Variants in GRAMD4 observed in about 807,000 individuals in gnomAD.
GRAMD4 encodes the protein GRAM domain-containing protein 4.
GRAMD4 carries 25 observed loss-of-function variants against 83.9 expected under a neutral mutation model. That is an observed-to-expected ratio of 0.30 (90% confidence interval 0.22 to 0.42). GRAMD4 has a LOEUF of 0.42. Ranked by LOEUF, GRAMD4 falls within the 10% of genes least tolerant of loss-of-function variation. GRAMD4 has a pLI of 1.00. For synonymous variants in GRAMD4, 336 were observed against 320.9 expected, an observed-to-expected ratio of 1.05 and a Z score of -0.50; for missense variants, 593 against 788.7, an observed-to-expected ratio of 0.75 and a Z score of 2.97.
chr22:46,624,239 G>A lies in GRAMD4; in HGVS notation c.-49-2512G>A, dbSNP rs186384473. Among the ~76,000 whole-genome samples, 625 of 133,778 alleles carry A rather than the reference G, an allele frequency of 4.7e-3. 3 individuals carry two copies. The highest frequency in any genetic ancestry group is 0.017 in the African/African-American group (591 of 35,344). 87.8% of individuals were successfully genotyped at this position (133,778 alleles called of 152,430 possible). A position where few individuals can be genotyped will look rare whatever the true frequency, so the allele number is the denominator to read the frequency against. On this transcript the variant is annotated intron_variant, in intron 1 of 18. Coordinates refer to ENST00000406902, the MANE Select transcript of GRAMD4 (RefSeq NM_015124.5). ...GTGGCCTGTTAGACATTTTTACTTA[G>A]TGGCTTTTTTTTTTTCAGTCCCTTA...
chr22:46,665,656 G>A lies in GRAMD4; in HGVS notation c.759G>A (p.Leu253=), dbSNP rs754266679. Residue 253 remains leucine (L), a synonymous_variant, in exon 9 of 19, where the codon TTG becomes TTA. Transcript: ENST00000406902. The part of the protein sequence containing the change: ...NAVWHGWAIP[L]FLFLAILRLS... ...TGTGGCATGGCTGGGCCATCCCATTGTTCTTATTTCTAGCAATTCTGAGGT... is the reference window on the plus strand; with the variant it reads ...TGTGGCATGGCTGGGCCATCCCATTATTCTTATTTCTAGCAATTCTGAGGT... The A allele has an allele frequency of 6.1e-5, 98 of 1,608,210 alleles. No individual in the cohort carries two copies. The highest frequency in any genetic ancestry group is 8.3e-5 in the Non-Finnish European group (97 of 1,175,278).
At position 46,676,662 on chromosome 22, in the gene GRAMD4, C is replaced by A. The variant is rs1489194483; in HGVS notation, c.1626C>A (p.Thr542=). 1.9e-6 allele frequency: 3 copies of A among 1,548,468 alleles called. No individual in the cohort carries two copies. The highest frequency in any genetic ancestry group is 2.6e-6 in the Non-Finnish European group (3 of 1,146,924). ...GMGIAVSTPS[T]QKPLVFGAMV... is the part of the protein sequence containing the mutation. ...GGATTGCCGTGTCGACGCCATCCAC[C>A]CAGAAAGTAGGTGCCGGGCGGGGGG... The change falls in exon 18 of 19, where the codon ACC becomes ACA. Residue 542 remains threonine, a synonymous_variant. Transcript: ENST00000406902.
At chr22:46,605,808 A>G (rs926504247) in intron 1 of GRAMD4, among the ~76,000 whole-genome samples, 3 of 141,708 alleles carry the variant, frequency 2.1e-5, no homozygotes, top group Admixed American at 1.4e-4. Flanking sequence ...GGTGCTGAGC[A>G]TCTCTGCATG....
chr22:46,597,633 G>A (rs369683032), intron 1 of GRAMD4, among the ~76,000 whole-genome samples: 7 of 152,202 alleles, frequency 4.6e-5, no homozygotes, highest in East Asian at 3.9e-4. Context: ...GGGACCACAG[G>A]CACCCGCCAC....
chr22:46,673,783 C>T lies in GRAMD4; in HGVS notation c.1353C>T (p.Phe451=). 6.2e-7 allele frequency: 1 copy of T among 1,613,142 alleles called. No individual in the cohort carries two copies. Among genetic ancestry groups the T allele is most frequent in the Non-Finnish European group, 8.5e-7 (1 of 1,179,986 alleles). Residue 451 remains phenylalanine (F), a synonymous_variant, in exon 15 of 19, where the codon TTC becomes TTT. Transcript: ENST00000406902. ...AGAAGGGCAATTTCCACGAGATCTTCAATCTGACAGAAAACGAGCGTCCGC... is the reference window on the plus strand; with the variant it reads ...AGAAGGGCAATTTCCACGAGATCTTTAATCTGACAGAAAACGAGCGTCCGC... ...STKKGNFHEI[F]NLTENERPLA... is the part of the protein sequence containing the mutation.
intron 1 of GRAMD4, among the ~76,000 whole-genome samples, chr22:46,624,124 TCATATTTGTTA>T (rs1255748472): frequency 6.6e-6 from 1 of 152,066 alleles, no homozygotes; most frequent in Non-Finnish European, 1.5e-5. Flanking sequence ...CCTTCATGTA[TCATATTTGTTA>T]CCTGTATTCC....
chr22:46,637,796 G>A lies in GRAMD4; in HGVS notation c.163-44G>A, dbSNP rs150616927. 465 of 1,609,774 alleles carry A rather than the reference G, an allele frequency of 2.9e-4. 1 individual carries two copies. In the African/African-American group the frequency reaches 5.5e-3, roughly 19 times the overall value. ...GGGAACTGAGTGGTGCAGACCCAGG[G>A]TGCCACAGGTGGCCCCTTTGAGCTT... On this transcript the variant is annotated intron_variant, in intron 2 of 18. Transcript: ENST00000406902.
chr22:46,609,321 C>T (rs896598441), intron 1 of GRAMD4, among the ~76,000 whole-genome samples: 18 of 152,190 alleles, frequency 1.2e-4, no homozygotes, highest in Non-Finnish European at 4.4e-5. Context: ...GAAGGTGTTC[C>T]GCAGCCTGCT....
At chr22:46,668,344 C>A (rs1402938270) in intron 11 of GRAMD4, among the ~76,000 whole-genome samples, 177 bp downstream of exon 11, 1 of 152,192 alleles carries the variant, frequency 6.6e-6, no homozygotes, top group Middle Eastern at 3.2e-3. Context: ...AGTCACCCTG[C>A]CCTTGGATGG....
At chr22:46,668,940 A>T (rs2076711) in intron 13 of GRAMD4, 32 bp downstream of exon 13, 4 of 1,253,934 alleles carry the variant, frequency 3.2e-6, no homozygotes, top group Non-Finnish European at 3.5e-6. Flanking sequence ...CTGTAGCTTC[A>T]GGAGGAGGGA....
chr22:46,654,094 G>A (rs1601642595), intron 3 of GRAMD4, among the ~76,000 whole-genome samples: 1 of 145,026 alleles, frequency 6.9e-6, no homozygotes, highest in Non-Finnish European at 1.5e-5. Context: ...CCTTGATTAA[G>A]CCCCTTCTGT....
At chr22:46,588,933 A>T (rs770754326) in intron 1 of GRAMD4, among the ~76,000 whole-genome samples, 21 of 152,162 alleles carry the variant, frequency 1.4e-4, no homozygotes, top group Non-Finnish European at 2.8e-4. Flanking sequence ...TCCCACAGTA[A>T]GGTTGGTGAC....
intron 1 of GRAMD4, among the ~76,000 whole-genome samples, chr22:46,605,613 T>C (rs1231707170): frequency 1.3e-5 from 2 of 152,258 alleles, no homozygotes; most frequent in Non-Finnish European, 2.9e-5. Flanking sequence ...CCAACACTTG[T>C]TGTTTTCTGA....
chr22:46,678,912 G>T lies in GRAMD4; in HGVS notation c.*1661G>T, dbSNP rs1404536922. 2.0e-6 allele frequency: 2 copies of T among 985,782 alleles called. No individual in the cohort carries two copies. Among genetic ancestry groups the T allele is most frequent in the African/African-American group, 3.5e-5 (2 of 57,250 alleles). 61.1% of individuals were successfully genotyped at this position (985,782 alleles called of 1,614,324 possible). On this transcript the variant is annotated 3_prime_UTR_variant, in exon 19 of 19. Transcript: ENST00000406902. ...AGCGGAGCCCCCGTGGCTCTGGACT[G>T]CGCGGACGTTGGCGTCAGGATGACC...
Position 46,603,461 on chromosome 22 carries a change from C to T in GRAMD4, c.-49-23290C>T, listed in dbSNP as rs187505518. ...CCTGACCTCGTGATCCGCCCGCCTCCGCCTCCCAAAGTGCTGGGATTACAG... is the reference window on the plus strand; with the variant it reads ...CCTGACCTCGTGATCCGCCCGCCTCTGCCTCCCAAAGTGCTGGGATTACAG... On this transcript the variant is annotated intron_variant, in intron 1 of 1. Coordinates refer to the GRAMD4 transcript ENST00000431155. Among the ~76,000 whole-genome samples, 685 of 146,264 alleles carry T rather than the reference C, an allele frequency of 4.7e-3. 14 individuals are homozygous for T. The East Asian group carries it at 0.066, about 14-fold the overall frequency.
At chr22:46,675,661 C>A in intron 17 of GRAMD4, 109 bp downstream of exon 17, 1 of 769,326 alleles carries the variant, frequency 1.3e-6, no homozygotes, top group Non-Finnish European at 2.3e-6. Flanking sequence ...AGCATCTGGG[C>A]GCCGCGGCCA....
upstream of GRAMD4, among the ~76,000 whole-genome samples, chr22:46,618,033 T>C (rs952136207): frequency 1.3e-5 from 2 of 152,150 alleles, no homozygotes; most frequent in African/African-American, 4.8e-5. The surrounding 1 kb of genome is among the most constrained non-coding windows in gnomAD (Gnocchi z 5.8). Flanking sequence ...TCTTGAGGCC[T>C]CTGGCAGAGG....
intron 3 of GRAMD4, among the ~76,000 whole-genome samples, chr22:46,643,155 C>CCATGCATCCATCCATGCATG (rs2082007431): frequency 1.4e-4 from 2 of 14,184 alleles, no homozygotes; most frequent in African/African-American, 3.7e-4. Flanking sequence ...ATCCATCCAT[C>CCATGCATCCATCCATGCATG]CATCCATCCA....
In GRAMD4 at chr22:46,677,948, AG is replaced by A. The variant is rs2082623361; in HGVS notation, c.*700del. The A allele has an allele frequency of 1.0e-6, 1 of 985,230 alleles. No individual in the cohort carries two copies. Among genetic ancestry groups the A allele is most frequent in the Non-Finnish European group, 1.2e-6 (1 of 829,704 alleles). 61.0% of individuals were successfully genotyped at this position (985,230 alleles called of 1,614,324 possible). On this transcript the variant is annotated 3_prime_UTR_variant, in exon 19 of 19. Coordinates refer to ENST00000406902, the MANE Select transcript of GRAMD4 (RefSeq NM_015124.5). ...GGTGGCACCTTCCTTGCTGGCCTCC[AG>A]GGCGCTCAGCACCGCGTCTGTAAGG...
Sources: gnomAD v4.1 joint callset for allele counts (sites outside exome capture counted in the v4.1 genomes callset) on GRCh38, gnomAD v4.1.1 for gene constraint, Gnocchi (gnomAD v3.1) non-coding constraint, MANE v1.5 for transcripts, NCBI Gene and HGNC (gene_info 2026-07-23, HGNC 2026-07-21) for gene names.